PTPRT: variants seen among roughly 807,000 people sequenced by gnomAD.
PTPRT encodes receptor-type tyrosine-protein phosphatase T.
In PTPRT, 56 loss-of-function variants were observed where a neutral mutation model predicts 176.8. The ratio of observed to expected loss-of-function variants is 0.32; its 90% CI spans 0.26 to 0.40. The LOEUF (loss-of-function observed/expected upper bound fraction) is 0.40, where lower values mean the gene tolerates loss of function less well. PTPRT is among the 10% of genes least tolerant of loss of function. The pLI is 1.00. For missense variants in PTPRT, 1,540 were observed against 1,908.2 expected (o/e 0.81, Z 3.60); for synonymous variants, 783 against 739.0 (o/e 1.06, Z -0.96).
At chr20:42,934,648 A>G (rs1166526238) in intron 1 of PTPRT, among the ~76,000 whole-genome samples, 1 of 152,180 alleles carries the variant, frequency 6.6e-6, no homozygotes, top group Non-Finnish European at 1.5e-5. Flanking sequence ...ACTATTGACC[A>G]GAGGCATCCT....
chr20:43,039,990 G>A (rs982175728), intron 1 of PTPRT, among the ~76,000 whole-genome samples: 10 of 152,102 alleles, frequency 6.6e-5, no homozygotes, highest in Middle Eastern at 3.4e-3. Flanking sequence ...GCAATGAGCC[G>A]AGATAGTACC....
chr20:42,452,333 A>G (rs2070846130), intron 8 of PTPRT, among the ~76,000 whole-genome samples: 1 of 151,944 alleles, frequency 6.6e-6, no homozygotes, highest in African/African-American at 2.4e-5. Context: ...GATAACTTAC[A>G]ATGGTAGGGT....
chr20:42,167,768 C>T (rs1989890976), intron 16 of PTPRT, among the ~76,000 whole-genome samples: 1 of 152,172 alleles, frequency 6.6e-6, no homozygotes, highest in Non-Finnish European at 1.5e-5. Context: ...CAGACTCACT[C>T]TGAAGATAAA....
intron 17 of PTPRT, among the ~76,000 whole-genome samples, chr20:42,157,750 A>T (rs2146488202): frequency 6.6e-6 from 1 of 152,280 alleles, no homozygotes; most frequent in East Asian, 1.9e-4. Context: ...GCTTACAACC[A>T]ATAGTACATG....
chr20:42,925,859 C>G (rs1470195228), intron 1 of PTPRT, among the ~76,000 whole-genome samples: 2 of 152,186 alleles, frequency 1.3e-5, no homozygotes, highest in Admixed American at 6.5e-5. Flanking sequence ...TCTCTGATAC[C>G]TACAAGGAGC....
At chr20:43,053,192 C>T (rs1987112507) in intron 1 of PTPRT, among the ~76,000 whole-genome samples, 1 of 152,210 alleles carries the variant, frequency 6.6e-6, no homozygotes, top group Non-Finnish European at 1.5e-5. Context: ...CCTGAAAGTT[C>T]TCTTCTTGTG....
intron 3 of PTPRT, 129 bp downstream of exon 3, chr20:42,791,065 TA>T (rs963665742): frequency 1.7e-6 from 2 of 1,179,664 alleles, no homozygotes; most frequent in African/African-American, 3.1e-5. Flanking sequence ...AGAGCTTGGC[TA>T]GGAGGAGAAG....
intron 2 of PTPRT, among the ~76,000 whole-genome samples, chr20:42,867,390 ATTTTTTTTTTT>A (rs761289845): frequency 2.9e-5 from 3 of 102,174 alleles, no homozygotes; most frequent in Non-Finnish European, 3.7e-5. Context: ...AAGAACACAG[ATTTTTTTTTTT>A]TTTTTTTTTT....
chr20:42,729,097 T>C (rs2076422626), intron 6 of PTPRT, among the ~76,000 whole-genome samples: 1 of 151,454 alleles, frequency 6.6e-6, no homozygotes, highest in Admixed American at 6.6e-5. Flanking sequence ...AAAACAACAA[T>C]AACAACAACA....
chr20:42,692,834 G>T (rs767037423), intron 6 of PTPRT, among the ~76,000 whole-genome samples: 28 of 151,998 alleles, frequency 1.8e-4, no homozygotes, highest in Non-Finnish European at 1.0e-4. Flanking sequence ...ATTATAAAAT[G>T]AAATTTAAAA....
At chr20:42,780,602 T>C (rs2077200836) in intron 3 of PTPRT, among the ~76,000 whole-genome samples, 1 of 152,194 alleles carries the variant, frequency 6.6e-6, no homozygotes, top group African/African-American at 2.4e-5. Flanking sequence ...ATCTTTCTCA[T>C]TGCAGCTTCA....
intron 17 of PTPRT, among the ~76,000 whole-genome samples, chr20:42,154,080 T>C (rs1242200545): frequency 6.6e-6 from 1 of 152,184 alleles, no homozygotes; most frequent in Non-Finnish European, 1.5e-5. Flanking sequence ...TTTTGGTCAT[T>C]ATGAGTTCCC....
At position 42,462,120 on chromosome 20, in the gene PTPRT, C is replaced by A. The variant is rs563560196; in HGVS notation, c.1450+10146G>T. The stretch of plus-strand genomic sequence containing the variant: ...GTGAGGGGGAGGTCAAATATGTGGG[C>A]AACATGTGGGCAATGAGAGCTGGAG... On this transcript the variant is annotated intron_variant, in intron 8 of 30. Transcript: ENST00000373187. Among the ~76,000 whole-genome samples the A allele has an allele frequency of 2.0e-4, 31 of 151,850 alleles. No individual in the cohort carries two copies. The South Asian group carries it at 6.3e-3, about 31-fold the overall frequency.
intron 7 of PTPRT, among the ~76,000 whole-genome samples, chr20:42,568,453 A>G (rs2073087001): frequency 6.6e-6 from 1 of 152,216 alleles, no homozygotes; most frequent in Admixed American, 6.5e-5. Flanking sequence ...CTCACTTCGT[A>G]AGTGGAGCTA....
intron 15 of PTPRT, among the ~76,000 whole-genome samples, chr20:42,226,312 G>A (rs2056008888): frequency 6.6e-6 from 1 of 152,190 alleles, no homozygotes; most frequent in South Asian, 2.1e-4. Context: ...TTTTACAGAT[G>A]AGAAACTGAA....
Position 42,537,160 on chromosome 20 carries a change from T to C in PTPRT, c.1154-64598A>G, listed in dbSNP as rs540526749. 9.2e-5 allele frequency among the ~76,000 whole-genome samples: 14 copies of C among 151,904 alleles called. No individual in the cohort carries two copies. The South Asian group carries it at 2.9e-3, about 32-fold the overall frequency. On this transcript the variant is annotated intron_variant, in intron 7 of 30. Transcript: ENST00000373187. ...CAAAGAAAAAACTCGAAAATGACAATAGGTTTTACAGATATATATACGTGT... is the reference window on the plus strand; with the variant it reads ...CAAAGAAAAAACTCGAAAATGACAACAGGTTTTACAGATATATATACGTGT...
intron 1 of PTPRT, among the ~76,000 whole-genome samples, chr20:42,987,255 A>G (rs1983644083): frequency 6.6e-6 from 1 of 152,168 alleles, no homozygotes; most frequent in Non-Finnish European, 1.5e-5. Flanking sequence ...ACACTGCCCT[A>G]GAGGGTGCCT....
chr20:42,082,009 C>T lies in PTPRT; in HGVS notation c.4145G>A (p.Gly1382Glu). 1 of 1,614,192 alleles carries T rather than the reference C, an allele frequency of 6.2e-7. No homozygotes were observed. Among genetic ancestry groups the T allele is most frequent in the South Asian group, 1.1e-5 (1 of 91,088 alleles). Reference protein sequence around the residue: ...GRTVVHCLNGGGRSGTFCAIC... With the variant: ...GRTVVHCLNGEGRSGTFCAIC... Reference sequence around the variant, plus strand: ...GGCACAGAAGGTTCCACTACGGCCTCCCCCATTTCTAAACACAGAGCAAAG... The same window carrying T: ...GGCACAGAAGGTTCCACTACGGCCTTCCCCATTTCTAAACACAGAGCAAAG... The change falls in exon 30 of 31, where the codon GGA becomes GAA. Residue 1382 changes from glycine to glutamate, a missense_variant. Physicochemically the swap from Gly to Glu is moderately conservative, Grantham distance 98. Coordinates refer to ENST00000373187, the MANE Select transcript of PTPRT (RefSeq NM_007050.6).
At chr20:42,570,953 G>A (rs1410475263) in intron 7 of PTPRT, among the ~76,000 whole-genome samples, 3 of 151,828 alleles carry the variant, frequency 2.0e-5, no homozygotes, top group African/African-American at 4.8e-5. Flanking sequence ...ATTTTTTATC[G>A]GGGGTGGGGG....
Sources: allele counts gnomAD v4.1 joint callset (sites outside exome capture counted in the v4.1 genomes callset), GRCh38; gene constraint gnomAD v4.1.1; transcripts MANE v1.5; gene names NCBI Gene and HGNC (gene_info 2026-07-23, HGNC 2026-07-21).